The following TBRG1 variants were observed in gnomAD, a reference collection of about 807,000 sequenced individuals.
TBRG1 encodes the protein transforming growth factor beta regulator 1.
Under a neutral mutation model 44.0 loss-of-function variants are expected in TBRG1, and 31 were observed. The ratio of observed to expected loss-of-function variants is 0.70; its 90% CI spans 0.53 to 0.95. The LOEUF (loss-of-function observed/expected upper bound fraction) is 0.95, where lower values mean the gene tolerates loss of function less well. Among genes scored for constraint, TBRG1 ranks in the 40% least tolerant of loss-of-function variants. The pLI is 0.00. For synonymous variants in TBRG1, 171 were observed against 188.1 expected (o/e 0.91, Z 0.74); for missense variants, 487 against 496.1 (o/e 0.98, Z 0.18).
In TBRG1 at chr11:124,632,219, C is replaced by T. The variant is rs536726475; in HGVS notation, c.1217C>T (p.Pro406Leu). The T allele has an allele frequency of 6.2e-7, 1 of 1,613,590 alleles. No homozygotes were observed. The highest frequency in any genetic ancestry group is 8.5e-7 in the Non-Finnish European group (1 of 1,179,784). Reference protein sequence around the residue: ...QHLKSPSQGSPIQSSD With the variant: ...QHLKSPSQGSLIQSSD ...TTGAAGTCTCCATCACAGGGTAGCC[C>T]AATTCAGTCTTCAGATTGAACAAGA... Residue 406 changes from proline to leucine, a missense_variant, in exon 9 of 9, where the codon CCA (proline) becomes CTA (leucine). Pro to Leu is a moderately conservative substitution (Grantham distance 98, BLOSUM62 -3). Coordinates refer to ENST00000441174, the MANE Select transcript of TBRG1 (RefSeq NM_032811.3).
At chr11:124,623,272 ACT>A in intron 1 of TBRG1, 39 bp downstream of exon 1, 1 of 1,549,972 alleles carries the variant, frequency 6.5e-7, no homozygotes, top group Non-Finnish European at 8.7e-7. Flanking sequence ...CCTCCTGGAG[ACT>A]CCCTCACAAA....
intron 5 of TBRG1, among the ~76,000 whole-genome samples, chr11:124,628,116 T>TACACACACACACACAC (rs368617758): frequency 1.2e-4 from 5 of 41,960 alleles, no homozygotes; most frequent in African/African-American, 3.7e-4. Context: ...TATATATATA[T>TACACACACACACACAC]ACACACACAC....
intron 5 of TBRG1, among the ~76,000 whole-genome samples, chr11:124,629,578 AAACT>A (rs1256423576): frequency 6.6e-6 from 1 of 152,208 alleles, no homozygotes; most frequent in Non-Finnish European, 1.5e-5. Context: ...CCACAGAAGA[AAACT>A]AACAGTAGTG....
In TBRG1 at chr11:124,626,928, C is replaced by G. The variant is rs1257615907; in HGVS notation, c.616C>G (p.His206Asp). The change falls in exon 5 of 9, where the codon CAT (histidine) becomes GAT (aspartate). Residue 206 changes from histidine to aspartate, a missense_variant. His to Asp is a moderately conservative substitution (Grantham distance 81). Transcript: ENST00000441174. Reference protein sequence around the residue: ...GEIITDRPGFHDESAIYPVGY... With the variant: ...GEIITDRPGFDDESAIYPVGY... ...GATCATCACCGACCGACCTGGCTTT[C>G]ATGATGAGAGTGCCATCTACCCCGT... The G allele has an allele frequency of 6.2e-7, 1 of 1,606,512 alleles. No individual in the cohort carries two copies. The highest frequency in any genetic ancestry group is 2.2e-5 in the East Asian group (1 of 44,758).
In TBRG1 at chr11:124,632,364, A is replaced by C; in HGVS notation, c.*126A>C. ...AGATACTAACGTATTTCATCATGGA[A>C]GGTCCTGTGGTGATGGTTTTCCCTG... On this transcript the variant is annotated 3_prime_UTR_variant, in exon 9 of 9. Transcript: ENST00000441174. 1.3e-6 allele frequency: 1 copy of C among 762,222 alleles called. No individual in the cohort carries two copies. The highest frequency in any genetic ancestry group is 2.1e-6 in the Non-Finnish European group (1 of 475,230). 47.2% of individuals were successfully genotyped at this position (762,222 alleles called of 1,614,324 possible).
At chr11:124,624,376 A>G (rs532792519) in intron 1 of TBRG1, among the ~76,000 whole-genome samples, 37 of 148,382 alleles carry the variant, frequency 2.5e-4, no homozygotes, top group Non-Finnish European at 4.1e-4. Context: ...AAAAAAAAAA[A>G]AAAAAAAGAA....
rs181489012 is a variant in TBRG1, at chr11:124,628,923, A to G, written c.739-1465A>G. 2.6e-5 allele frequency among the ~76,000 whole-genome samples: 4 copies of G among 152,320 alleles called. No individual in the cohort carries two copies. The East Asian group carries it at 7.7e-4, about 29-fold the overall frequency. On this transcript the variant is annotated intron_variant, in intron 5 of 8. Transcript: ENST00000441174. ...TATTTGCAATAGCAAGAAATTAGAA[A>G]TAGCCTAAATACCTATCAATGAGAA...
At chr11:124,630,236 T>G (rs1942578764) in intron 5 of TBRG1, 152 bp from the exon 6 acceptor site, 5 of 630,776 alleles carry the variant, frequency 7.9e-6, no homozygotes, top group Non-Finnish European at 1.5e-5. Context: ...TTGTTTCAAT[T>G]TTTAGCAGCC....
Position 124,626,584 on chromosome 11 carries a change from G to A in TBRG1, c.566G>A (p.Gly189Asp), listed in dbSNP as rs1282197418. ...GRPVFPIGLG[G>D]LTVYSLGEII... ...CCTGTGTTCCCCATCGGACTAGGGG[G>A]TCTAACAGTATATAGCCTGGGGGAG... Residue 189 changes from glycine to aspartate, a missense_variant, in exon 4 of 9, where the codon GGT (glycine) becomes GAT (aspartate). Physicochemically the swap from Gly to Asp is moderately conservative, Grantham distance 94. Transcript: ENST00000441174. The A allele has an allele frequency of 3.2e-6, 5 of 1,551,536 alleles. No individual in the cohort carries two copies. The highest frequency in any genetic ancestry group is 2.4e-5 in the East Asian group (1 of 40,932).
intron 5 of TBRG1, among the ~76,000 whole-genome samples, chr11:124,627,822 A>G (rs1942505736): frequency 6.6e-6 from 1 of 152,084 alleles, no homozygotes; most frequent in Non-Finnish European, 1.5e-5. Flanking sequence ...TTGTAACGGT[A>G]TACCATATTT....
chr11:124,628,584 G>A (rs1942538497), intron 5 of TBRG1, among the ~76,000 whole-genome samples: 2 of 150,748 alleles, frequency 1.3e-5, no homozygotes, highest in South Asian at 4.2e-4. Context: ...GTAAAGTGTG[G>A]GCCTCATCAG....
In TBRG1 at chr11:124,624,967, G is replaced by A. The variant is rs765113612; in HGVS notation, c.187G>A (p.Glu63Lys). The A allele has an allele frequency of 8.4e-6, 13 of 1,550,086 alleles. No individual in the cohort carries two copies. Among genetic ancestry groups the A allele is most frequent in the South Asian group, 1.2e-5 (1 of 83,418 alleles). Residue 63 changes from glutamate to lysine, a missense_variant, in exon 2 of 9, where the codon GAG becomes AAG. Physicochemically the swap from Glu to Lys is moderately conservative, Grantham distance 56 (BLOSUM62 1). Transcript: ENST00000441174. ...TATTTGTGATGAAATTGCTCGTCTT[G>A]AGGAAAAATTTCTTAAAGCAAAAGA... ...AAICDEIARL[E>K]EKFLKAKEER... is the part of the protein sequence containing the mutation.
intron 7 of TBRG1, 165 bp from the exon 8 acceptor site, chr11:124,631,110 C>A: frequency 2.9e-6 from 2 of 701,662 alleles, no homozygotes; most frequent in Non-Finnish European, 4.6e-6. Flanking sequence ...ACTAATTTGT[C>A]ACTAAAGAGG....
Position 124,631,394 on chromosome 11 carries a change from A to G in TBRG1, c.1067A>G (p.Asp356Gly). ...TTTCAGAGACAGATCTTTGATGAAG[A>G]TCAGAATGATCCCCTTCTGCCAGGT... ...EAFQRQIFDEDQNDPLLPGSL... is the reference protein window; with the variant it reads ...EAFQRQIFDEGQNDPLLPGSL... Residue 356 changes from aspartate (D) to glycine (G), a missense_variant, in exon 8 of 9, where the codon GAT (aspartate) becomes GGT (glycine). By Grantham distance (94) the Asp-to-Gly change is moderately conservative (BLOSUM62 -1). Transcript: ENST00000441174. 6.2e-7 allele frequency: 1 copy of G among 1,614,024 alleles called. No individual in the cohort carries two copies. Among genetic ancestry groups the G allele is most frequent in the Non-Finnish European group, 8.5e-7 (1 of 1,179,888 alleles).
In TBRG1 at chr11:124,635,259, A is replaced by T. The variant is rs935439226; in HGVS notation, c.*3021A>T. On this transcript the variant is annotated 3_prime_UTR_variant, in exon 9 of 9. Transcript: ENST00000441174. ...TCATGGTTTCTATGGGGCCAGATGC[A>T]TGAGAGGTCAAAGCATGGGCAATAG... 1 of 152,224 alleles carries T rather than the reference A, an allele frequency of 6.6e-6. No homozygotes were observed. Among genetic ancestry groups the T allele is most frequent in the Non-Finnish European group, 1.5e-5 (1 of 68,036 alleles). The allele number at this position is 152,224 out of a possible 1,614,324, so 9.4% of individuals were successfully genotyped here.
chr11:124,628,068 TATATATATATATATATATA>T (rs1942512864), intron 5 of TBRG1, among the ~76,000 whole-genome samples: 2 of 30,830 alleles, frequency 6.5e-5, no homozygotes, highest in Non-Finnish European at 1.1e-4. Flanking sequence ...AGCTGTTTTA[TATATATATATATATATATA>T]TATATATATA....
chr11:124,628,104 TATATATATATATACACACACAC>T (rs1479081566), intron 5 of TBRG1, among the ~76,000 whole-genome samples: 139 of 52,004 alleles, frequency 2.7e-3, no homozygotes, highest in African/African-American at 0.013. Context: ...TATATATATA[TATATATATATATACACACACAC>T]ACACACACAC....
At chr11:124,625,128 C>A in intron 2 of TBRG1, 127 bp downstream of exon 2, 1 of 651,158 alleles carries the variant, frequency 1.5e-6, no homozygotes, top group Admixed American at 3.2e-5. Flanking sequence ...AGCCCCTTGG[C>A]CACTTGATCA....
rs762624140 is a variant in TBRG1, at chr11:124,626,888, G to T, written c.592-16G>T. On this transcript the variant is annotated splice_polypyrimidine_tract_variant and intron_variant, in intron 4 of 8. Transcript: ENST00000441174. ...TCAGTGACCTCAATCCCAGGTTGGG[G>T]GAATGTTTTTTATAGATCATCACCG... is the stretch of plus-strand genomic sequence containing the variant. 7.2e-5 allele frequency: 115 copies of T among 1,600,404 alleles called. No individual in the cohort carries two copies. Among genetic ancestry groups the T allele is most frequent in the Non-Finnish European group, 9.5e-5 (111 of 1,172,770 alleles).
Sources: gnomAD v4.1 joint callset for allele counts (sites outside exome capture counted in the v4.1 genomes callset) on GRCh38, gnomAD v4.1.1 for gene constraint, MANE v1.5 for transcripts, NCBI Gene and HGNC (gene_info 2026-07-23, HGNC 2026-07-21) for gene names.